Variants in PDE7B observed in about 807,000 individuals in gnomAD.
PDE7B encodes phosphodiesterase 7B.
Under a neutral mutation model 56.2 loss-of-function variants are expected in PDE7B, and 29 were observed. That is an observed-to-expected ratio of 0.52 (90% CI 0.38 to 0.70). The LOEUF (loss-of-function observed/expected upper bound fraction) is 0.70, where lower values mean the gene tolerates loss of function less well. PDE7B is among the 30% of genes least tolerant of loss of function. The pLI is 0.00. For missense variants in PDE7B, 490 were observed against 565.0 expected, an observed-to-expected ratio of 0.87 and a Z score of 1.35; for synonymous variants, 197 against 196.9, an observed-to-expected ratio of 1.00 and a Z score of 0.00.
At chr6:136,001,313 G>T (rs369573062) in intron 2 of PDE7B, among the ~76,000 whole-genome samples, 1 of 151,500 alleles carries the variant, frequency 6.6e-6, no homozygotes, top group African/African-American at 2.4e-5. Flanking sequence ...CCAAAGGAAC[G>T]CAGTTCCTCA....
At chr6:135,866,711 C>G (rs1775267786) in intron 1 of PDE7B, among the ~76,000 whole-genome samples, 1 of 152,140 alleles carries the variant, frequency 6.6e-6, no homozygotes, top group African/African-American at 2.4e-5. Flanking sequence ...TCTTCATTAT[C>G]TAAATTGTTT....
chr6:135,998,233 A>T (rs897523543), intron 2 of PDE7B, among the ~76,000 whole-genome samples: 3 of 152,208 alleles, frequency 2.0e-5, no homozygotes, highest in Admixed American at 1.3e-4. Context: ...ATAGAGGTTC[A>T]CTATTATTCT....
intron 2 of PDE7B, among the ~76,000 whole-genome samples, chr6:136,003,471 GA>G (rs1186777197): frequency 6.6e-6 from 1 of 151,974 alleles, no homozygotes; most frequent in Admixed American, 6.6e-5. Flanking sequence ...TAATAAAGAA[GA>G]AAAGAGAAAA....
intron 2 of PDE7B, among the ~76,000 whole-genome samples, chr6:136,098,361 G>A (rs1268487633): frequency 1.3e-5 from 2 of 152,268 alleles, no homozygotes; most frequent in Admixed American, 1.3e-4. Context: ...AATTTAAATT[G>A]TTGGCCTATA....
chr6:135,930,388 A>G lies in PDE7B; in HGVS notation c.22-17076A>G, dbSNP rs189608000. Among the ~76,000 whole-genome samples, 12 of 152,262 alleles carry G rather than the reference A, an allele frequency of 7.9e-5. No homozygotes were observed. The East Asian group carries it at 1.4e-3, about 17-fold the overall frequency. On this transcript the variant is annotated intron_variant, in intron 1 of 12. Transcript: ENST00000308191. ...GGACACAGAGCCAAACTATATCACC[A>G]TGGAAGGTTGTGGAGCAGGGATGTG...
At chr6:135,881,341 C>CAA (rs34454603) in intron 1 of PDE7B, among the ~76,000 whole-genome samples, 17 of 119,948 alleles carry the variant, frequency 1.4e-4, no homozygotes, top group South Asian at 2.6e-4. Flanking sequence ...ACTAAAAATA[C>CAA]AAAAAAAAAA....
intron 2 of PDE7B, chr6:136,038,059 AGTGTTTGT>A: frequency 7.5e-7 from 1 of 1,336,908 alleles, no homozygotes; most frequent in African/African-American, 1.5e-5. Flanking sequence ...TCTCGTCGGC[AGTGTTTGT>A]GGAGGGCCTG....
At chr6:136,098,983 T>A (rs1476620382) in intron 2 of PDE7B, among the ~76,000 whole-genome samples, 5 of 148,478 alleles carry the variant, frequency 3.4e-5, no homozygotes, top group Admixed American at 2.0e-4. Context: ...TGTCCATGTG[T>A]TCTCATCATT....
chr6:135,915,015 C>T (rs769446104), intron 1 of PDE7B, among the ~76,000 whole-genome samples: 11 of 151,416 alleles, frequency 7.3e-5, no homozygotes, highest in African/African-American at 1.7e-4. Flanking sequence ...ATCACTTGAA[C>T]GCAGGAGGTG....
intron 2 of PDE7B, among the ~76,000 whole-genome samples, chr6:135,990,989 C>G (rs911536302): frequency 6.6e-6 from 1 of 152,160 alleles, no homozygotes; most frequent in Admixed American, 6.5e-5. Flanking sequence ...AAGGGGTGGG[C>G]AATTCCTGGA....
Position 135,900,006 on chromosome 6 carries a change from T to C in PDE7B, c.22-47458T>C, listed in dbSNP as rs185081420. On this transcript the variant is annotated intron_variant, in intron 1 of 12. Coordinates refer to ENST00000308191, the MANE Select transcript of PDE7B (RefSeq NM_018945.4). ...CTTTTAAACTTCAAATTCTAGTTAT[T>C]TCTCTATCTGACCTCAAGAAATTAA... is the stretch of plus-strand genomic sequence containing the variant. Among the ~76,000 whole-genome samples the C allele has an allele frequency of 2.1e-3, 325 of 152,306 alleles. 1 individual carries two copies. Among genetic ancestry groups the C allele is most frequent in the African/African-American group, 7.2e-3 (301 of 41,582 alleles).
Position 136,008,840 on chromosome 6 carries a change from T to G in PDE7B, c.82+61316T>G, listed in dbSNP as rs371782966. Among the ~76,000 whole-genome samples the G allele has an allele frequency of 8.6e-3, 1,305 of 152,168 alleles. 14 individuals carry two copies. Among genetic ancestry groups the G allele is most frequent in the South Asian group, 0.044 (211 of 4,812 alleles). On this transcript the variant is annotated intron_variant, in intron 2 of 12. Transcript: ENST00000308191. ...CTGTGCAGAAGCTCTTTAGTTTAAT[T>G]AGATCCCATTTGTCAATTTTGGCTT...
chr6:136,139,042 A>C (rs1778266654), intron 3 of PDE7B, among the ~76,000 whole-genome samples: 2 of 152,152 alleles, frequency 1.3e-5, no homozygotes, highest in Admixed American at 6.5e-5. Flanking sequence ...ATATGTATAC[A>C]TGTGCCATGT....
intron 2 of PDE7B, among the ~76,000 whole-genome samples, chr6:135,977,456 C>G (rs1775207148): frequency 1.3e-5 from 2 of 152,170 alleles, no homozygotes; most frequent in Admixed American, 1.3e-4. Flanking sequence ...AAACAGTCTG[C>G]TTTCTCTTGG....
At chr6:136,008,758 C>T (rs1338581640) in intron 2 of PDE7B, among the ~76,000 whole-genome samples, 13 of 151,956 alleles carry the variant, frequency 8.6e-5, no homozygotes, top group Admixed American at 2.6e-4. Context: ...GAGTAGATTG[C>T]AAAAATTTTC....
At chr6:136,176,574 G>A (rs1562514190) in intron 9 of PDE7B, among the ~76,000 whole-genome samples, 1 of 151,912 alleles carries the variant, frequency 6.6e-6, no homozygotes, top group Admixed American at 6.6e-5. Flanking sequence ...CTTCATTATT[G>A]TAAATAACAA....
intron 1 of PDE7B, among the ~76,000 whole-genome samples, chr6:135,865,633 G>GTGTA (rs1397776929): frequency 1.3e-5 from 2 of 150,798 alleles, no homozygotes; most frequent in African/African-American, 5.0e-5. Flanking sequence ...GTGTGTGTGT[G>GTGTA]TGTGTGTGTG....
In PDE7B at chr6:136,108,907, G is replaced by A; in HGVS notation, c.166+93G>A. On this transcript the variant is annotated intron_variant, in intron 3 of 12. Coordinates refer to ENST00000308191, the MANE Select transcript of PDE7B (RefSeq NM_018945.4). ...TTCCCTCTGAACTTCGAAACCTTCTGGGGTCTGCCTTCCTTCCTGAATCTC... is the reference window on the plus strand; with the variant it reads ...TTCCCTCTGAACTTCGAAACCTTCTAGGGTCTGCCTTCCTTCCTGAATCTC... 4.9e-6 allele frequency: 4 copies of A among 821,076 alleles called. No homozygotes were observed. The Admixed American group carries it at 7.2e-5, about 15-fold the overall frequency. 50.9% of individuals were successfully genotyped at this position (821,076 alleles called of 1,614,324 possible).
At chr6:135,873,335 G>T (rs544273205) in intron 1 of PDE7B, among the ~76,000 whole-genome samples, 170 of 152,270 alleles carry the variant, frequency 1.1e-3, no homozygotes, top group African/African-American at 3.7e-3. Flanking sequence ...ATCTTCAAGT[G>T]TCTGCTTTGT....
Sources: allele counts gnomAD v4.1 joint callset (sites outside exome capture counted in the v4.1 genomes callset), GRCh38; gene constraint gnomAD v4.1.1; transcripts MANE v1.5; gene names NCBI Gene and HGNC (gene_info 2026-07-23, HGNC 2026-07-21).